Variants in PELI3 observed in about 807,000 individuals in gnomAD.
PELI3 encodes the protein pellino E3 ubiquitin protein ligase family member 3.
In PELI3, 19 loss-of-function variants were observed where a neutral mutation model predicts 35.5. That is an observed-to-expected ratio of 0.54 (90% CI 0.37 to 0.79). The LOEUF (loss-of-function observed/expected upper bound fraction) is 0.79, where lower values mean the gene tolerates loss of function less well. PELI3 is among the 30% of genes least tolerant of loss of function. The probability of loss-of-function intolerance (pLI) is 0.00; values close to 1 mark genes in which losing one functional copy is unlikely to be tolerated. For missense variants in PELI3, 490 were observed against 661.2 expected (o/e 0.74, Z 2.84); for synonymous variants, 262 against 279.2 (o/e 0.94, Z 0.62).
Position 66,473,977 on chromosome 11 carries a change from C to T in PELI3, c.840+52C>T. The T allele has an allele frequency of 1.3e-6, 2 of 1,599,224 alleles. No homozygotes were observed. The highest frequency in any genetic ancestry group is 1.7e-6 in the Non-Finnish European group (2 of 1,175,318). On this transcript the variant is annotated intron_variant, in intron 7 of 7. Coordinates refer to ENST00000320740, the MANE Select transcript of PELI3 (RefSeq NM_145065.3). This position sits in a 1 kb window ranked among gnomAD's most constrained non-coding sequence, Gnocchi z 5.8. ...CCTATCCTTGCCAGGCCCTCACAAGCTGCCCATCCCCCTGCCCAAGCCAGG... is the reference window on the plus strand; with the variant it reads ...CCTATCCTTGCCAGGCCCTCACAAGTTGCCCATCCCCCTGCCCAAGCCAGG...
At position 66,468,211 on chromosome 11, in the gene PELI3, T is replaced by C; in HGVS notation, c.83T>C (p.Leu28Pro). 6.2e-7 allele frequency: 1 copy of C among 1,604,046 alleles called. No individual in the cohort carries two copies. The highest frequency in any genetic ancestry group is 8.5e-7 in the Non-Finnish European group (1 of 1,174,416). Reference protein sequence around the residue: ...QHRGNKGSCVLSSPGEDAQPG... With the variant: ...QHRGNKGSCVPSSPGEDAQPG... ...CGGGGGAACAAGGGCTCTTGCGTTC[T>C]CTCCTCTCCCGGTGAAGATGCGCAG... The change falls in exon 2 of 8, where the codon CTC becomes CCC. Residue 28 changes from leucine (L) to proline (P), a missense_variant. Physicochemically the swap from Leu to Pro is moderately conservative, Grantham distance 98. This residue lies in a region of PELI3 where 137 missense variants were observed against 157.1 expected (regional missense o/e 0.87). Transcript: ENST00000320740.
rs923352658 is a variant in PELI3, at chr11:66,476,312, C to T, written c.*145C>T. 66 of 913,768 alleles carry T rather than the reference C, an allele frequency of 7.2e-5. No homozygotes were observed. The highest frequency in any genetic ancestry group is 4.7e-4 in the Admixed American group (16 of 34,386). 56.6% of individuals were successfully genotyped at this position (913,768 alleles called of 1,614,324 possible). A position where few individuals can be genotyped will look rare whatever the true frequency, so the allele number is the denominator to read the frequency against. On this transcript the variant is annotated 3_prime_UTR_variant, in exon 8 of 8. Transcript: ENST00000320740. The stretch of plus-strand genomic sequence containing the variant: ...TGTTGGATGGGCTGTGCCCTTCCCC[C>T]CAACTGTGGCCCCCCAAGGAGGTCC...
chr11:66,471,184 TTCTC>T, intron 3 of PELI3, 54 bp from the exon 4 acceptor site: 3 of 1,533,342 alleles, frequency 2.0e-6, no homozygotes, highest in Non-Finnish European at 1.8e-6. Flanking sequence ...GGGGTTCACT[TTCTC>T]TCTTTCTCTC....
chr11:66,473,813 C>T lies in PELI3; in HGVS notation c.728C>T (p.Pro243Leu). ...ACCAATGGAGTCCTGGTGATGCACCCGGCAGGCGGCTTCTCCGAGGACTCA... is the reference window on the plus strand; with the variant it reads ...ACCAATGGAGTCCTGGTGATGCACCTGGCAGGCGGCTTCTCCGAGGACTCA... ...LTTNGVLVMHPAGGFSEDSAP... is the reference protein window; with the variant it reads ...LTTNGVLVMHLAGGFSEDSAP... Residue 243 changes from proline (P) to leucine (L), a missense_variant, in exon 7 of 8, where the codon CCG becomes CTG. Around this residue, in one of 3 missense-constraint regions of PELI3, gnomAD observed 349 missense variants for 484.8 expected, o/e 0.72. Coordinates refer to ENST00000320740, the MANE Select transcript of PELI3 (RefSeq NM_145065.3). This position sits in a 1 kb window ranked among gnomAD's most constrained non-coding sequence, Gnocchi z 5.8. 2 of 1,613,900 alleles carry T rather than the reference C, an allele frequency of 1.2e-6. No homozygotes were observed. The highest frequency in any genetic ancestry group is 4.5e-5 in the East Asian group (2 of 44,884).
rs1055742862 is a variant in PELI3 at position 66,476,638 on chromosome 11, G to T, written c.*471G>T. Reference sequence around the variant, plus strand: ...TGCCCCCACAAGTCCCACATGCCCCGCATGCGTGCAATGCCTCCAGCCCCC... The same window carrying T: ...TGCCCCCACAAGTCCCACATGCCCCTCATGCGTGCAATGCCTCCAGCCCCC... On this transcript the variant is annotated 3_prime_UTR_variant, in exon 8 of 8. Coordinates refer to ENST00000320740, the MANE Select transcript of PELI3 (RefSeq NM_145065.3). The T allele has an allele frequency of 1.1e-5, 2 of 179,830 alleles. No homozygotes were observed. The highest frequency in any genetic ancestry group is 4.8e-5 in the African/African-American group (2 of 41,788). The allele number at this position is 179,830 out of a possible 1,614,324, so 11.1% of individuals were successfully genotyped here. A position where few individuals can be genotyped will look rare whatever the true frequency, so the allele number is the denominator to read the frequency against.
intron 2 of PELI3, 24 bp from the exon 3 acceptor site, chr11:66,468,809 T>G: frequency 1.3e-6 from 1 of 778,872 alleles, no homozygotes; most frequent in Non-Finnish European, 2.4e-6. Flanking sequence ...TCATGGACAT[T>G]ATTTCATTTC....
rs1392901644 is a variant in PELI3 at position 66,467,002 on chromosome 11, C to T, written c.-27C>T. 1 of 149,438 alleles carries T rather than the reference C, an allele frequency of 6.7e-6. No homozygotes were observed. Among genetic ancestry groups the T allele is most frequent in the Non-Finnish European group, 1.5e-5 (1 of 67,040 alleles). The allele number at this position is 149,438 out of a possible 1,614,324, so 9.3% of individuals were successfully genotyped here. A position where few individuals can be genotyped will look rare whatever the true frequency, so the allele number is the denominator to read the frequency against. On this transcript the variant is annotated 5_prime_UTR_variant, in exon 1 of 8. Transcript: ENST00000320740. The surrounding 1 kb of genome is among the most constrained non-coding windows in gnomAD (Gnocchi z 4.2). ...GGGGCTAGGCGGGGAGGGAGCGGCG[C>T]CCAGCGGGGCCCGGAGCGTGGCCAG...
intron 3 of PELI3, among the ~76,000 whole-genome samples, chr11:66,470,762 GT>G (rs1367208246): frequency 6.6e-6 from 1 of 152,210 alleles, no homozygotes; most frequent in Non-Finnish European, 1.5e-5. Context: ...ACCCTTTCTA[GT>G]TCTTCAAAAC....
At chr11:66,474,751 A>G (rs1196221985) in intron 7 of PELI3, 1 of 150,848 alleles carries the variant, frequency 6.6e-6, no homozygotes, top group African/African-American at 2.4e-5. Context: ...TTTTTTTGAG[A>G]TGGAGTCTCA....
Position 66,473,131 on chromosome 11 carries a change from CCTT to C in PELI3, c.457-109_457-107del. On this transcript the variant is annotated intron_variant, in intron 5 of 7. Transcript: ENST00000320740. This position sits in a 1 kb window ranked among gnomAD's most constrained non-coding sequence, Gnocchi z 5.8. ...CCCCTTCTCCAGGGCCTGGCAGCCTCCTTTTTTGGTGACCTTGCATACAGAGCA... is the reference window on the plus strand; with the variant it reads ...CCCCTTCTCCAGGGCCTGGCAGCCTCTTTTGGTGACCTTGCATACAGAGCA... 1 of 1,151,644 alleles carries C rather than the reference CCTT, an allele frequency of 8.7e-7. No individual in the cohort carries two copies. Among genetic ancestry groups the C allele is most frequent in the Non-Finnish European group, 1.2e-6 (1 of 839,256 alleles). The allele number at this position is 1,151,644 out of a possible 1,614,324, so 71.3% of individuals were successfully genotyped here. A position where few individuals can be genotyped will look rare whatever the true frequency, so the allele number is the denominator to read the frequency against.
Position 66,473,202 on chromosome 11 carries a change from T to TTG in PELI3, c.457-39_457-38insTG. 1 of 1,559,204 alleles carries TTG rather than the reference T, an allele frequency of 6.4e-7. No individual in the cohort carries two copies. Among genetic ancestry groups the TTG allele is most frequent in the Non-Finnish European group, 8.7e-7 (1 of 1,146,946 alleles). ...AGGGAAGGCCCATGAGAGTCCCCTATGTACATACAGTCCCTGCTTGCTCTC... is the reference window on the plus strand; with the variant it reads ...AGGGAAGGCCCATGAGAGTCCCCTATTGGTACATACAGTCCCTGCTTGCTCTC... On this transcript the variant is annotated intron_variant, in intron 5 of 7. Coordinates refer to ENST00000320740, the MANE Select transcript of PELI3 (RefSeq NM_145065.3). This position sits in a 1 kb window ranked among gnomAD's most constrained non-coding sequence, Gnocchi z 5.8.
Position 66,473,285 on chromosome 11 carries a change from C to T in PELI3, c.501C>T (p.Asp167=), listed in dbSNP as rs778060058. 1 of 1,613,478 alleles carries T rather than the reference C, an allele frequency of 6.2e-7. No individual in the cohort carries two copies. The highest frequency in any genetic ancestry group is 2.2e-5 in the East Asian group (1 of 44,886). ...TENMIDFVVT[D]TSPGGGAAEG... ...ACATGATTGACTTCGTGGTAACAGA[C>T]ACGTCCCCTGGAGGAGGGGCTGCCG... Residue 167 remains aspartate (D), a synonymous_variant, in exon 6 of 8, where the codon GAC becomes GAT. Coordinates refer to ENST00000320740, the MANE Select transcript of PELI3 (RefSeq NM_145065.3). This position sits in a 1 kb window ranked among gnomAD's most constrained non-coding sequence, Gnocchi z 5.8.
rs1042281585 is a variant in PELI3 at position 66,471,212 on chromosome 11, C to A, written c.225-30C>A. ...TCTCTTTCTCTCTCTCCTCTTGCAA[C>A]CCCTTCTTCTTAACCCCCGACATCT... On this transcript the variant is annotated intron_variant, in intron 3 of 7. Coordinates refer to ENST00000320740, the MANE Select transcript of PELI3 (RefSeq NM_145065.3). 1.9e-6 allele frequency: 3 copies of A among 1,592,538 alleles called. No homozygotes were observed. In the African/African-American group the frequency reaches 4.0e-5, roughly 21 times the overall value.
At chr11:66,469,014 G>T in intron 3 of PELI3, 110 bp downstream of exon 3, 1 of 557,872 alleles carries the variant, frequency 1.8e-6, no homozygotes. Context: ...GCCAAGGCCA[G>T]GAGAGAGGAA....
rs1217464874 is a variant in PELI3 at position 66,472,282 on chromosome 11, G to C, written c.355-87G>C. 1.0e-5 allele frequency: 10 copies of C among 953,526 alleles called. No individual in the cohort carries two copies. The Admixed American group carries it at 1.2e-4, about 12-fold the overall frequency. The allele number at this position is 953,526 out of a possible 1,614,324, so 59.1% of individuals were successfully genotyped here. A position where few individuals can be genotyped will look rare whatever the true frequency, so the allele number is the denominator to read the frequency against. On this transcript the variant is annotated intron_variant, in intron 4 of 7. Coordinates refer to ENST00000320740, the MANE Select transcript of PELI3 (RefSeq NM_145065.3). The stretch of plus-strand genomic sequence containing the variant: ...GCTGCCCCCTTCCCAGGGAGTGGCT[G>C]CTGGGCCTTGAGCTCCAGGTGCTTG...
At chr11:66,471,660 G>T (rs1854721986) in intron 4 of PELI3, among the ~76,000 whole-genome samples, 1 of 152,044 alleles carries the variant, frequency 6.6e-6, no homozygotes, top group African/African-American at 2.4e-5. Context: ...ATGGAAATGG[G>T]TGGAAATGAG....
intron 2 of PELI3, 45 bp downstream of exon 2, chr11:66,468,325 C>G: frequency 1.4e-6 from 2 of 1,409,580 alleles, no homozygotes; most frequent in Non-Finnish European, 1.9e-6. Context: ...AGACACCCAC[C>G]CAACGCAGCC....
chr11:66,474,026 C>A, intron 7 of PELI3, 101 bp downstream of exon 7: 1 of 1,452,200 alleles, frequency 6.9e-7, no homozygotes, highest in Non-Finnish European at 9.4e-7. Flanking sequence ...TCCTTCTGCC[C>A]CAGGGAGCCC....
chr11:66,468,160 C>G lies in PELI3; in HGVS notation c.32C>G (p.Ser11Cys). Residue 11 changes from serine to cysteine, a missense_variant, in exon 2 of 8, where the codon TCC becomes TGC. Physicochemically the swap from Ser to Cys is moderately radical, Grantham distance 112. Transcript: ENST00000320740. Reference sequence around the variant, plus strand: ...CTGGAAGGAAACCCTGAAGTGGGGTCCCCCCGAACCTCAGACCTCCAGCAC... The same window carrying G: ...CTGGAAGGAAACCCTGAAGTGGGGTGCCCCCGAACCTCAGACCTCCAGCAC... The part of the protein sequence containing the change: MVLEGNPEVG[S>C]PRTSDLQHRG... The G allele has an allele frequency of 6.2e-7, 1 of 1,606,838 alleles. No individual in the cohort carries two copies. Among genetic ancestry groups the G allele is most frequent in the Non-Finnish European group, 8.5e-7 (1 of 1,176,184 alleles).
Sources: allele counts gnomAD v4.1 joint callset (sites outside exome capture counted in the v4.1 genomes callset), GRCh38; gene constraint gnomAD v4.1.1; regional missense constraint gnomAD v4.1.1; non-coding constraint Gnocchi (gnomAD v3.1); transcripts MANE v1.5; gene names NCBI Gene and HGNC (gene_info 2026-07-23, HGNC 2026-07-21).